CNTN4: variants seen among roughly 807,000 people sequenced by gnomAD.
CNTN4 encodes contactin-4.
A neutral mutation model predicts 122.5 loss-of-function variants in CNTN4; 77 were observed. That is an observed-to-expected ratio of 0.63 (90% confidence interval 0.52 to 0.76). The LOEUF is 0.76. CNTN4 is among the 30% of genes least tolerant of loss of function. The pLI is 0.00. For missense variants in CNTN4, 1,256 were observed against 1,259.1 expected (o/e 1.00, Z 0.04); for synonymous variants, 512 against 447.0 (o/e 1.15, Z -1.83).
intron 2 of CNTN4, among the ~76,000 whole-genome samples, chr3:2,300,984 GCTTAGTAAATGATC>G (rs1281634764): frequency 6.6e-6 from 1 of 152,146 alleles, no homozygotes; most frequent in African/African-American, 2.4e-5. Flanking sequence ...GGAAGTGACA[GCTTAGTAAATGATC>G]CTTTTGAAAA....
intron 4 of CNTN4, among the ~76,000 whole-genome samples, chr3:2,571,788 C>T (rs2079432350): frequency 6.6e-6 from 1 of 152,050 alleles, no homozygotes; most frequent in African/African-American, 2.4e-5. Context: ...CTATCTGGTC[C>T]TTTTAGAGTC....
At chr3:2,865,655 T>TAA in intron 7 of CNTN4, among the ~76,000 whole-genome samples, 1 of 152,190 alleles carries the variant, frequency 6.6e-6, no homozygotes. Context: ...CTTCTCCAGC[T>TAA]TTGGACAAAT....
intron 4 of CNTN4, among the ~76,000 whole-genome samples, chr3:2,608,566 G>A (rs1199677227): frequency 6.6e-6 from 1 of 152,182 alleles, no homozygotes; most frequent in African/African-American, 2.4e-5. Context: ...CTGCCTCATG[G>A]GTTCTCATGG....
intron 13 of CNTN4, among the ~76,000 whole-genome samples, chr3:2,973,547 C>T (rs1481519273): frequency 6.6e-6 from 1 of 151,988 alleles, no homozygotes; most frequent in African/African-American, 2.4e-5. Flanking sequence ...AATCTCTGAC[C>T]TCTACCCACA....
chr3:2,565,491 T>C (rs1224124284), intron 3 of CNTN4, among the ~76,000 whole-genome samples: 1 of 152,160 alleles, frequency 6.6e-6, no homozygotes, highest in Non-Finnish European at 1.5e-5. Context: ...GAAGAACCTA[T>C]AGGCTAGCTA....
chr3:2,548,356 G>C (rs942622722), intron 3 of CNTN4, among the ~76,000 whole-genome samples: 1 of 152,060 alleles, frequency 6.6e-6, no homozygotes, highest in African/African-American at 2.4e-5. Flanking sequence ...TTTGTATAAG[G>C]TATAAGGAAA....
At chr3:2,777,143 G>T (rs2091355489) in intron 6 of CNTN4, among the ~76,000 whole-genome samples, 1 of 152,122 alleles carries the variant, frequency 6.6e-6, no homozygotes, top group South Asian at 2.1e-4. Flanking sequence ...ACCACGCCCA[G>T]CTAACATCTT....
intron 13 of CNTN4, among the ~76,000 whole-genome samples, chr3:2,950,912 T>C (rs1230976026): frequency 1.3e-5 from 2 of 152,204 alleles, no homozygotes; most frequent in Non-Finnish European, 2.9e-5. Flanking sequence ...TTGATCATTG[T>C]CATATCTTAT....
rs146262590 is a variant in CNTN4 at position 3,020,249 on chromosome 3, C to G, written c.1487-5853C>G. Among the ~76,000 whole-genome samples the G allele has an allele frequency of 2.2e-4, 34 of 152,262 alleles. No individual in the cohort carries two copies. The East Asian group carries it at 5.6e-3, about 25-fold the overall frequency. On this transcript the variant is annotated intron_variant, in intron 14 of 24. Coordinates refer to ENST00000418658, the MANE Select transcript of CNTN4 (RefSeq NM_175607.3). ...GTCCATAAGTTATCTTTAACCAACT[C>G]TCATGAGTAGGAACAGAACTAGGCA...
chr3:2,821,620 TG>T (rs1462516208), intron 7 of CNTN4, among the ~76,000 whole-genome samples: 10 of 152,258 alleles, frequency 6.6e-5, no homozygotes, highest in African/African-American at 2.4e-4. Context: ...AGGGAGAACA[TG>T]GAGAGATGTG....
intron 4 of CNTN4, among the ~76,000 whole-genome samples, chr3:2,579,064 G>A (rs1162145712): frequency 2.0e-5 from 3 of 152,162 alleles, no homozygotes; most frequent in African/African-American, 7.2e-5. Context: ...GTAGTAGCAA[G>A]CACACAACCC....
At chr3:2,809,121 A>G (rs553060498) in intron 6 of CNTN4, among the ~76,000 whole-genome samples, 1 of 152,314 alleles carries the variant, frequency 6.6e-6, no homozygotes, top group Non-Finnish European at 1.5e-5. Flanking sequence ...GACAGTAAAA[A>G]AGAAAGTACA....
intron 8 of CNTN4, among the ~76,000 whole-genome samples, chr3:2,874,070 C>T (rs57111522): frequency 7.4e-4 from 112 of 152,268 alleles, no homozygotes; most frequent in African/African-American, 2.6e-3. Flanking sequence ...GCTAAACTGC[C>T]ATTGCTAATC....
At chr3:3,028,058 CAGGA>C (rs1051837320) in intron 15 of CNTN4, among the ~76,000 whole-genome samples, 2 of 152,186 alleles carry the variant, frequency 1.3e-5, no homozygotes, top group African/African-American at 4.8e-5. Flanking sequence ...TCTGTGGAGT[CAGGA>C]CTTGACAATA....
rs765657967 is a variant in CNTN4 at position 3,048,516 on chromosome 3, C to CTGTGTG, written c.2811+4836_2811+4841dup. ...ACTCTCTCTCTTTCTCTCTCTCTCT[C>CTGTGTG]TGTGTGTGTGTGTGTGTGTGTGTGT... On this transcript the variant is annotated intron_variant, in intron 23 of 24. Coordinates refer to ENST00000418658, the MANE Select transcript of CNTN4 (RefSeq NM_175607.3). Among the ~76,000 whole-genome samples the CTGTGTG allele has an allele frequency of 5.3e-5, 6 of 112,930 alleles. No homozygotes were observed. The East Asian group carries it at 9.1e-4, about 17-fold the overall frequency. The allele number at this position is 112,930 out of a possible 152,430, so 74.1% of individuals were successfully genotyped here. A position where few individuals can be genotyped will look rare whatever the true frequency, so the allele number is the denominator to read the frequency against.
chr3:2,834,927 C>G lies in CNTN4; in HGVS notation c.454+15346C>G, dbSNP rs978961202. On this transcript the variant is annotated intron_variant, in intron 7 of 24. Coordinates refer to ENST00000418658, the MANE Select transcript of CNTN4 (RefSeq NM_175607.3). ...TTTTTTTTTTTTTTTTTTTTTGAGA[C>G]TGAGTCTCTCTCTGTCGCCCAGGCT... is the stretch of plus-strand genomic sequence containing the variant. 7.9e-3 allele frequency among the ~76,000 whole-genome samples: 294 copies of G among 37,212 alleles called. 2 individuals are homozygous for G. Among genetic ancestry groups the G allele is most frequent in the African/African-American group, 0.039 (276 of 6,994 alleles). 24.4% of individuals were successfully genotyped at this position (37,212 alleles called of 152,430 possible).
intron 10 of CNTN4, among the ~76,000 whole-genome samples, chr3:2,891,277 T>A (rs368104349): frequency 7.2e-5 from 11 of 152,134 alleles, no homozygotes; most frequent in African/African-American, 1.4e-4. Flanking sequence ...CAGCTCCGTC[T>A]CTACTAAAAT....
At chr3:2,800,294 C>T (rs963050885) in intron 6 of CNTN4, among the ~76,000 whole-genome samples, 7 of 151,954 alleles carry the variant, frequency 4.6e-5, no homozygotes, top group South Asian at 2.1e-4. Flanking sequence ...CCCTGACATT[C>T]GATTTATTTC....
intron 3 of CNTN4, among the ~76,000 whole-genome samples, chr3:2,420,560 C>T (rs1024931026): frequency 3.9e-5 from 6 of 152,010 alleles, no homozygotes; most frequent in African/African-American, 7.3e-5. Flanking sequence ...CTCAGTCTAC[C>T]GAGTAGCTGG....
Sources: gnomAD v4.1 joint callset for allele counts (sites outside exome capture counted in the v4.1 genomes callset) on GRCh38, gnomAD v4.1.1 for gene constraint, MANE v1.5 for transcripts, NCBI Gene and HGNC (gene_info 2026-07-23, HGNC 2026-07-21) for gene names.